XRCC4: variants seen among roughly 807,000 people sequenced by gnomAD.
The protein encoded by XRCC4 is DNA repair protein XRCC4.
In XRCC4, 28 loss-of-function variants were observed where a neutral mutation model predicts 39.1. That is an observed-to-expected ratio of 0.72 (90% CI 0.53 to 0.98). The LOEUF is 0.98. Among genes scored for constraint, XRCC4 ranks in the 50% least tolerant of loss-of-function variants. The pLI, the probability that XRCC4 is intolerant of heterozygous loss-of-function variation, is 0.00. For missense variants in XRCC4, 350 were observed against 376.4 expected, an observed-to-expected ratio of 0.93 and a Z score of 0.58; for synonymous variants, 123 against 126.4, an observed-to-expected ratio of 0.97 and a Z score of 0.18.
At chr5:83,153,313 A>T (rs1432626202) in intron 3 of XRCC4, among the ~76,000 whole-genome samples, 1 of 151,912 alleles carries the variant, frequency 6.6e-6, no homozygotes, top group Non-Finnish European at 1.5e-5. Flanking sequence ...AGTTCAAGCA[A>T]TTCTCATGCC....
intron 7 of XRCC4, among the ~76,000 whole-genome samples, chr5:83,269,172 C>T (rs1754053184): frequency 6.6e-6 from 1 of 152,116 alleles, no homozygotes; most frequent in Non-Finnish European, 1.5e-5. Context: ...AAGAGGAAAA[C>T]AAACCCATCA....
chr5:83,289,076 T>C (rs544533784), intron 7 of XRCC4, among the ~76,000 whole-genome samples: 59 of 152,064 alleles, frequency 3.9e-4, no homozygotes, highest in African/African-American at 1.4e-3. Flanking sequence ...AAAGGTATTC[T>C]ACATTTCTGT....
At chr5:83,236,780 A>G (rs1752707044) in intron 6 of XRCC4, among the ~76,000 whole-genome samples, 1 of 151,918 alleles carries the variant, frequency 6.6e-6, no homozygotes, top group South Asian at 2.1e-4. Flanking sequence ...GAAGAGAACA[A>G]CCCACAAAAT....
At chr5:83,178,600 A>T (rs1447223178) in intron 3 of XRCC4, among the ~76,000 whole-genome samples, 1 of 152,206 alleles carries the variant, frequency 6.6e-6, no homozygotes, top group East Asian at 1.9e-4. Context: ...CACTGATGGC[A>T]TTGGTAGAGA....
the XRCC4 span, among the ~76,000 whole-genome samples, chr5:83,371,585 T>C: frequency 6.6e-6 from 1 of 152,128 alleles, no homozygotes; most frequent in Non-Finnish European, 1.5e-5. Flanking sequence ...GACTCATAGG[T>C]AGATGGTCTA....
At chr5:83,092,063 G>T (rs1228476940) in intron 1 of XRCC4, among the ~76,000 whole-genome samples, 2 of 152,116 alleles carry the variant, frequency 1.3e-5, no homozygotes, top group African/African-American at 4.8e-5. Flanking sequence ...ACAGATAGGA[G>T]GTGATATCTA....
At chr5:83,170,400 A>AT (rs1749669183) in intron 3 of XRCC4, among the ~76,000 whole-genome samples, 1 of 152,140 alleles carries the variant, frequency 6.6e-6, no homozygotes, top group Non-Finnish European at 1.5e-5. Flanking sequence ...GGAAAAAAAA[A>AT]TCAGCTTGAC....
rs879866045 is a variant in XRCC4, at chr5:83,308,381, T to TTAATAACA, written c.894-44749_894-44748insAATAACAT. ...TGGTGTGGGATCTTTTCATGAAAAGTTGTGTATGCAGGAATAAGTTAATAA... is the reference window on the plus strand; with the variant it reads ...TGGTGTGGGATCTTTTCATGAAAAGTTAATAACATGTGTATGCAGGAATAAGTTAATAA... On this transcript the variant is annotated intron_variant, in intron 7 of 7. Coordinates refer to ENST00000396027, the MANE Select transcript of XRCC4 (RefSeq NM_003401.5). Among the ~76,000 whole-genome samples, 326 of 152,268 alleles carry TTAATAACA rather than the reference T, an allele frequency of 2.1e-3. 2 individuals carry two copies. The highest frequency in any genetic ancestry group is 3.5e-3 in the Non-Finnish European group (239 of 68,002).
At chr5:83,246,636 A>T (rs1753112462) in intron 6 of XRCC4, among the ~76,000 whole-genome samples, 1 of 152,156 alleles carries the variant, frequency 6.6e-6, no homozygotes. Flanking sequence ...ATTATGGAAG[A>T]ATTATAAATT....
intron 7 of XRCC4, among the ~76,000 whole-genome samples, chr5:83,288,138 T>C (rs956278511): frequency 6.6e-6 from 1 of 151,924 alleles, no homozygotes; most frequent in Admixed American, 6.6e-5. Flanking sequence ...GAACACACTT[T>C]TTATGATTTC....
the XRCC4 span, among the ~76,000 whole-genome samples, chr5:83,373,154 C>G: frequency 6.6e-6 from 1 of 151,950 alleles, no homozygotes; most frequent in African/African-American, 2.4e-5. Flanking sequence ...ATGCCCTGAG[C>G]CCCACTAGGC....
chr5:83,191,260 G>C (rs1750678963), intron 3 of XRCC4, among the ~76,000 whole-genome samples: 1 of 152,200 alleles, frequency 6.6e-6, no homozygotes, highest in Non-Finnish European at 1.5e-5. Context: ...GTTTGGCTGT[G>C]TCTCCATCCA....
At chr5:83,370,896 C>T in the XRCC4 span, among the ~76,000 whole-genome samples, 1 of 152,176 alleles carries the variant, frequency 6.6e-6, no homozygotes, top group Non-Finnish European at 1.5e-5. Context: ...CTTTCTCCTG[C>T]TTTAGTCACT....
intron 6 of XRCC4, among the ~76,000 whole-genome samples, chr5:83,240,008 A>G (rs1338425406): frequency 1.3e-5 from 2 of 151,734 alleles, no homozygotes; most frequent in Non-Finnish European, 2.9e-5. Flanking sequence ...GGAAAAAAAA[A>G]CAAAAACAAA....
intron 3 of XRCC4, among the ~76,000 whole-genome samples, chr5:83,155,957 T>C (rs1279932564): frequency 1.3e-5 from 2 of 152,080 alleles, no homozygotes; most frequent in Middle Eastern, 3.2e-3. Context: ...CATATAAATA[T>C]TACTCTCACT....
chr5:83,153,576 A>G (rs1013117054), intron 3 of XRCC4, among the ~76,000 whole-genome samples: 16 of 152,342 alleles, frequency 1.1e-4, no homozygotes, highest in Admixed American at 6.5e-5. Flanking sequence ...ATTCAGCATC[A>G]TTAGCCATCA....
chr5:83,136,662 A>G (rs1180288418), intron 3 of XRCC4, among the ~76,000 whole-genome samples: 3 of 152,198 alleles, frequency 2.0e-5, no homozygotes, highest in Non-Finnish European at 2.9e-5. Context: ...ATTTTTGGTT[A>G]CCTACATTCT....
chr5:83,309,652 T>C (rs1015233587), intron 7 of XRCC4, among the ~76,000 whole-genome samples: 2 of 148,684 alleles, frequency 1.3e-5, no homozygotes, highest in Admixed American at 6.9e-5. Flanking sequence ...TAGTCCCAGC[T>C]ACTCAGGAGG....
chr5:83,268,345 C>T (rs1754026442), intron 7 of XRCC4, among the ~76,000 whole-genome samples: 1 of 152,072 alleles, frequency 6.6e-6, no homozygotes, highest in Non-Finnish European at 1.5e-5. Context: ...GATGGATAAA[C>T]AAAACAAGTC....
Sources: gnomAD v4.1 joint callset for allele counts (sites outside exome capture counted in the v4.1 genomes callset) on GRCh38, gnomAD v4.1.1 for gene constraint, MANE v1.5 for transcripts, NCBI Gene and HGNC (gene_info 2026-07-23, HGNC 2026-07-21) for gene names.